Variants in IL1RAPL2 observed in about 807,000 individuals in gnomAD.
The protein encoded by IL1RAPL2 is interleukin 1 receptor accessory protein like 2, also known as X-linked interleukin-1 receptor accessory protein-like 2.
In IL1RAPL2, 3 loss-of-function variants were observed where a neutral mutation model predicts 44.1. The ratio of observed to expected loss-of-function variants is 0.07; its 90% CI spans 0.03 to 0.18. IL1RAPL2 has a LOEUF of 0.18. IL1RAPL2 is among the 10% of genes least tolerant of loss of function. IL1RAPL2 has a pLI of 1.00. For synonymous variants in IL1RAPL2, 181 were observed against 178.8 expected (o/e 1.01, Z -0.10); for missense variants, 391 against 496.4 (o/e 0.79, Z 2.02).
At chrX:105,520,316 TAC>T (rs1311335209) in intron 6 of IL1RAPL2, among the ~76,000 whole-genome samples, 1 of 112,408 alleles carries the variant, frequency 8.9e-6, no homozygotes, top group Non-Finnish European at 1.9e-5. Flanking sequence ...CATTTTGAGA[TAC>T]ACATACTCAG....
chrX:105,493,000 T>C (rs1602436775), intron 6 of IL1RAPL2, among the ~76,000 whole-genome samples: 1 of 111,737 alleles, frequency 8.9e-6, no homozygotes, highest in South Asian at 3.7e-4. Context: ...TTGCCTATTC[T>C]GGATATTTAA....
intron 5 of IL1RAPL2, among the ~76,000 whole-genome samples, chrX:105,417,853 A>G (rs1338018181): frequency 8.9e-6 from 1 of 112,040 alleles, no homozygotes; most frequent in African/African-American, 3.2e-5. Context: ...CCCAGTCCAT[A>G]GAGAATATGA....
At chrX:105,084,529 T>C (rs751908082) in intron 2 of IL1RAPL2, among the ~76,000 whole-genome samples, 1 of 112,804 alleles carries the variant, frequency 8.9e-6, no homozygotes, top group Admixed American at 9.4e-5. Context: ...GCCCCTTTGT[T>C]TTGGCCAATT....
chrX:105,287,070 C>T (rs1180444042), intron 5 of IL1RAPL2, among the ~76,000 whole-genome samples: 1 of 111,626 alleles, frequency 9.0e-6, no homozygotes, highest in Non-Finnish European at 1.9e-5. Flanking sequence ...GAGAAAACAG[C>T]CCTTAAACCA....
chrX:105,265,123 G>T (rs114452966), intron 4 of IL1RAPL2, among the ~76,000 whole-genome samples: 2 of 111,945 alleles, frequency 1.8e-5, no homozygotes, highest in African/African-American at 6.5e-5. Flanking sequence ...AGAATTAATT[G>T]CATATGGACT....
intron 6 of IL1RAPL2, among the ~76,000 whole-genome samples, chrX:105,595,491 G>A (rs1416555734): frequency 9.0e-6 from 1 of 111,645 alleles, no homozygotes; most frequent in Non-Finnish European, 1.9e-5. Context: ...TTAACATAAT[G>A]TCATAGAGTT....
intron 6 of IL1RAPL2, among the ~76,000 whole-genome samples, chrX:105,561,485 C>G (rs2036936949): frequency 8.9e-6 from 1 of 112,265 alleles, no homozygotes; most frequent in African/African-American, 3.2e-5. Flanking sequence ...AGCAGCCATA[C>G]ATGCTGAGGG....
intron 2 of IL1RAPL2, among the ~76,000 whole-genome samples, chrX:104,954,715 G>GT (rs1232317287): frequency 1.7e-4 from 19 of 111,641 alleles, no homozygotes; most frequent in African/African-American, 4.9e-4. Context: ...TTCAGGTTTG[G>GT]TGACTGCTAG....
chrX:104,956,145 T>C (rs1229308339), intron 2 of IL1RAPL2, among the ~76,000 whole-genome samples: 1 of 112,071 alleles, frequency 8.9e-6, no homozygotes, highest in Non-Finnish European at 1.9e-5. Flanking sequence ...CTAAAGGGTG[T>C]AGAGGAGAGT....
At chrX:104,898,361 T>G (rs918618083) in intron 2 of IL1RAPL2, among the ~76,000 whole-genome samples, 2 of 112,498 alleles carry the variant, frequency 1.8e-5, no homozygotes, top group African/African-American at 6.5e-5. Context: ...ATACAACTCA[T>G]GTAGCATGCT....
intron 2 of IL1RAPL2, among the ~76,000 whole-genome samples, chrX:104,978,058 G>A (rs1176055559): frequency 9.0e-6 from 1 of 111,305 alleles, no homozygotes; most frequent in East Asian, 2.8e-4. Context: ...CAGAACCCAA[G>A]CCCCACCTCT....
intron 2 of IL1RAPL2, among the ~76,000 whole-genome samples, chrX:104,770,060 T>C (rs984826204): frequency 1.8e-5 from 2 of 111,245 alleles, no homozygotes; most frequent in Non-Finnish European, 3.8e-5. Context: ...CTAGGATTTT[T>C]TTTTGTCCTA....
chrX:104,727,786 T>A (rs1931826244), intron 2 of IL1RAPL2, among the ~76,000 whole-genome samples: 1 of 110,506 alleles, frequency 9.0e-6, no homozygotes, highest in Non-Finnish European at 1.9e-5. Context: ...AGAATGAATT[T>A]TGTTTTTGGA....
chrX:105,583,591 C>T (rs901893528), intron 6 of IL1RAPL2, among the ~76,000 whole-genome samples: 6 of 111,868 alleles, frequency 5.4e-5, no homozygotes, highest in African/African-American at 1.9e-4. Flanking sequence ...CTTTTAGTGC[C>T]TGTTGACTAT....
At chrX:104,803,112 A>C in intron 2 of IL1RAPL2, among the ~76,000 whole-genome samples, 1 of 111,735 alleles carries the variant, frequency 8.9e-6, no homozygotes, top group Admixed American at 9.6e-5. Context: ...AGGAAAGAAT[A>C]ATCGAGGTGA....
intron 6 of IL1RAPL2, among the ~76,000 whole-genome samples, chrX:105,651,006 T>A (rs1205351863): frequency 8.9e-6 from 1 of 112,379 alleles, no homozygotes; most frequent in Admixed American, 9.4e-5. Context: ...AGCTAGTTTT[T>A]AAAATATTCT....
At chrX:104,811,364 A>T (rs1932977299) in intron 2 of IL1RAPL2, among the ~76,000 whole-genome samples, 1 of 111,889 alleles carries the variant, frequency 8.9e-6, no homozygotes, top group African/African-American at 3.2e-5. Flanking sequence ...TGATTACGGA[A>T]GCCAGAGGAT....
intron 6 of IL1RAPL2, among the ~76,000 whole-genome samples, chrX:105,563,826 T>G (rs1482645120): frequency 1.8e-5 from 2 of 111,721 alleles, no homozygotes; most frequent in African/African-American, 6.5e-5. Context: ...AAGTAAAGAC[T>G]TAATAGGTTC....
intron 2 of IL1RAPL2, among the ~76,000 whole-genome samples, chrX:104,855,830 A>G (rs1325105909): frequency 9.3e-6 from 1 of 107,417 alleles, no homozygotes; most frequent in East Asian, 3.0e-4. Context: ...ACACCTGGCT[A>G]ATTTTTTATT....
Sources: allele counts gnomAD v4.1 joint callset (sites outside exome capture counted in the v4.1 genomes callset), GRCh38; gene constraint gnomAD v4.1.1; transcripts MANE v1.5; gene names NCBI Gene and HGNC (gene_info 2026-07-23, HGNC 2026-07-21).